The following LRFN5 variants were observed in gnomAD, a reference collection of about 807,000 sequenced individuals.
LRFN5 encodes leucine-rich repeat and fibronectin type-III domain-containing protein 5.
In LRFN5, 24 loss-of-function variants were observed where a neutral mutation model predicts 45.6. The observed-to-expected ratio is 0.53, with a 90% CI of 0.38 to 0.74. The LOEUF (loss-of-function observed/expected upper bound fraction) is 0.74. Ranked by LOEUF, LRFN5 falls within the 30% of genes least tolerant of loss-of-function variation. The pLI is 0.00. For synonymous variants in LRFN5, 340 were observed against 313.8 expected (o/e 1.08, Z -0.88); for missense variants, 776 against 861.5 (o/e 0.90, Z 1.24).
At chr14:41,674,339 C>G (rs1293020513) in intron 1 of LRFN5, among the ~76,000 whole-genome samples, 8 of 137,232 alleles carry the variant, frequency 5.8e-5, no homozygotes, top group Non-Finnish European at 1.1e-4. Context: ...CCGACCCCCC[C>G]ACCTCCCTCC....
intron 1 of LRFN5, among the ~76,000 whole-genome samples, chr14:41,629,693 C>T (rs550963601): frequency 9.9e-5 from 15 of 152,218 alleles, no homozygotes; most frequent in Non-Finnish European, 1.5e-4. Context: ...AACAAGATTT[C>T]CAAAATCTCC....
chr14:41,772,894 C>T (rs761024962), intron 2 of LRFN5, among the ~76,000 whole-genome samples: 2 of 152,088 alleles, frequency 1.3e-5, no homozygotes, highest in Non-Finnish European at 2.9e-5. Context: ...TCTACTTTTC[C>T]CTATTTTTAC....
chr14:41,870,503 G>A (rs1889982500), intron 2 of LRFN5, among the ~76,000 whole-genome samples: 1 of 152,178 alleles, frequency 6.6e-6, no homozygotes, highest in Non-Finnish European at 1.5e-5. Flanking sequence ...CAGCAGGCAA[G>A]AAAGCATGTG....
intron 1 of LRFN5, among the ~76,000 whole-genome samples, chr14:41,691,564 T>TATATAC (rs1052853579): frequency 6.6e-6 from 1 of 152,054 alleles, no homozygotes; most frequent in Non-Finnish European, 1.5e-5. Flanking sequence ...CATATACATA[T>TATATAC]ATATACATAT....
At chr14:41,761,129 G>C (rs1399322979) in intron 1 of LRFN5, among the ~76,000 whole-genome samples, 1 of 152,108 alleles carries the variant, frequency 6.6e-6, no homozygotes, top group Non-Finnish European at 1.5e-5. Flanking sequence ...ATACGCAGTT[G>C]TGTGCATGTA....
intron 1 of LRFN5, among the ~76,000 whole-genome samples, chr14:41,715,112 A>G (rs576112259): frequency 1.3e-5 from 2 of 152,172 alleles, no homozygotes; most frequent in African/African-American, 4.8e-5. Context: ...AGGAATTTGT[A>G]TATTAAGGTA....
At chr14:41,774,101 G>A (rs537412818) in intron 2 of LRFN5, among the ~76,000 whole-genome samples, 1 of 152,258 alleles carries the variant, frequency 6.6e-6, no homozygotes, top group South Asian at 2.1e-4. Flanking sequence ...TTTACATTTA[G>A]GACCAGGAGA....
Position 41,732,624 on chromosome 14 carries a change from G to A in LRFN5, c.-196-34230G>A, listed in dbSNP as rs184117913. 1.2e-4 allele frequency among the ~76,000 whole-genome samples: 19 copies of A among 152,108 alleles called. 1 individual carries two copies. The East Asian group carries it at 3.1e-3, about 25-fold the overall frequency. The stretch of plus-strand genomic sequence containing the variant: ...AAAAATGAAAACAAGAACAAACACT[G>A]TGGGAAAGGGATAATCTAATATTCT... On this transcript the variant is annotated intron_variant, in intron 1 of 5. Coordinates refer to ENST00000298119, the MANE Select transcript of LRFN5 (RefSeq NM_152447.5).
Position 41,607,100 on chromosome 14 carries a change from G to T in LRFN5, c.-1659G>T, listed in dbSNP as rs536344171. Among the ~76,000 whole-genome samples the T allele has an allele frequency of 2.3e-3, 346 of 152,318 alleles. 1 individual carries two copies. Among genetic ancestry groups the T allele is most frequent in the Non-Finnish European group, 3.6e-3 (244 of 68,014 alleles). ...GTGTTCCGCGGCGCGCAGGGAGGCG[G>T]TGAGCGTGTGCAGAGCTGCCCGAAC... On this transcript the variant is annotated 5_prime_UTR_variant, in exon 1 of 6. Coordinates refer to ENST00000298119, the MANE Select transcript of LRFN5 (RefSeq NM_152447.5).
intron 1 of LRFN5, among the ~76,000 whole-genome samples, chr14:41,696,737 T>C (rs1260537257): frequency 6.6e-6 from 1 of 151,940 alleles, no homozygotes; most frequent in Non-Finnish European, 1.5e-5. Context: ...ACTTGTTATC[T>C]TTCATCTTTT....
At chr14:41,841,192 C>T (rs1442346245) in intron 2 of LRFN5, among the ~76,000 whole-genome samples, 1 of 151,774 alleles carries the variant, frequency 6.6e-6, no homozygotes, top group Non-Finnish European at 1.5e-5. Context: ...TCTAGTATCA[C>T]ATTTTAATAA....
intron 2 of LRFN5, among the ~76,000 whole-genome samples, chr14:41,792,945 C>T (rs779468111): frequency 7.5e-6 from 1 of 133,496 alleles, no homozygotes; most frequent in Non-Finnish European, 1.5e-5. Flanking sequence ...GGGAATTGAA[C>T]AATGAGAACA....
At chr14:41,762,711 C>T (rs1885721475) in intron 1 of LRFN5, among the ~76,000 whole-genome samples, 1 of 151,710 alleles carries the variant, frequency 6.6e-6, no homozygotes, top group African/African-American at 2.4e-5. Flanking sequence ...TTGGAGTAAT[C>T]CCCCAAAAGA....
Position 41,888,662 on chromosome 14 carries a change from CAT to C in LRFN5, c.1385+653_1385+654del, listed in dbSNP as rs139653995. On this transcript the variant is annotated intron_variant, in intron 3 of 5. Transcript: ENST00000298119. ...GTGTGTCTGTGTGGTTGTGTTGTCT[CAT>C]GTGTACTGGTTCTAAGACAGTTCCA... Among the ~76,000 whole-genome samples the C allele has an allele frequency of 1.1e-4, 16 of 152,002 alleles. 1 individual carries two copies. The East Asian group carries it at 1.7e-3, about 17-fold the overall frequency.
At chr14:41,744,421 A>C (rs192399890) in intron 1 of LRFN5, among the ~76,000 whole-genome samples, 62 of 152,286 alleles carry the variant, frequency 4.1e-4, no homozygotes, top group Middle Eastern at 3.4e-3. Context: ...AATACAAAAA[A>C]ATTTAAGTAA....
intron 1 of LRFN5, among the ~76,000 whole-genome samples, chr14:41,653,159 T>G (rs1168083560): frequency 6.6e-6 from 1 of 152,144 alleles, no homozygotes; most frequent in Non-Finnish European, 1.5e-5. Context: ...AAGAAGCTCT[T>G]TAGTTTAGTT....
chr14:41,759,133 A>T (rs770116445), intron 1 of LRFN5, among the ~76,000 whole-genome samples: 1 of 152,028 alleles, frequency 6.6e-6, no homozygotes, highest in Non-Finnish European at 1.5e-5. Flanking sequence ...TCTCACATCA[A>T]AACTCTTAGT....
chr14:41,658,493 ATATT>A, intron 1 of LRFN5, among the ~76,000 whole-genome samples: 1 of 152,010 alleles, frequency 6.6e-6, no homozygotes, highest in East Asian at 1.9e-4. Flanking sequence ...AACTTGTAAT[ATATT>A]TTTCAAGTTA....
chr14:41,861,694 CAT>C (rs1252039070), intron 2 of LRFN5, among the ~76,000 whole-genome samples: 1 of 152,148 alleles, frequency 6.6e-6, no homozygotes, highest in Non-Finnish European at 1.5e-5. Flanking sequence ...CAATAGCTCT[CAT>C]GTGAGATACG....
Sources: gnomAD v4.1 joint callset for allele counts (sites outside exome capture counted in the v4.1 genomes callset) on GRCh38, gnomAD v4.1.1 for gene constraint, MANE v1.5 for transcripts, NCBI Gene and HGNC (gene_info 2026-07-23, HGNC 2026-07-21) for gene names.